The following ARRB1 variants were observed in gnomAD, a reference collection of about 807,000 sequenced individuals.
ARRB1 encodes the protein beta-arrestin-1.
Under a neutral mutation model 56.8 loss-of-function variants are expected in ARRB1, and 21 were observed. The observed-to-expected ratio is 0.37, with a 90% CI of 0.26 to 0.53. The LOEUF (loss-of-function observed/expected upper bound fraction) is 0.53, where lower values mean the gene tolerates loss of function less well. ARRB1 is among the 20% of genes least tolerant of loss of function. The pLI is 0.88. For missense variants in ARRB1, 424 were observed against 553.7 expected, an observed-to-expected ratio of 0.77 and a Z score of 2.35; for synonymous variants, 210 against 218.6, an observed-to-expected ratio of 0.96 and a Z score of 0.35.
At chr11:75,338,042 A>G (rs1230962677) in intron 1 of ARRB1, among the ~76,000 whole-genome samples, 1 of 152,124 alleles carries the variant, frequency 6.6e-6, no homozygotes, top group African/African-American at 2.4e-5. Flanking sequence ...CGTGAAAAGT[A>G]CAAAGACTGT....
chr11:75,329,408 T>C (rs958506257), intron 1 of ARRB1, among the ~76,000 whole-genome samples: 1 of 152,154 alleles, frequency 6.6e-6, no homozygotes, highest in African/African-American at 2.4e-5. Context: ...CTTGCTGCTG[T>C]GTAACCTTGA....
intron 1 of ARRB1, among the ~76,000 whole-genome samples, chr11:75,330,947 C>T (rs980825545): frequency 6.6e-6 from 1 of 152,256 alleles, no homozygotes; most frequent in African/African-American, 2.4e-5. Context: ...GTGCCAGACA[C>T]TGGTACCTGG....
chr11:75,274,286 A>C (rs1466277998), intron 10 of ARRB1, 75 bp from the exon 11 acceptor site: 10 of 1,576,360 alleles, frequency 6.3e-6, no homozygotes, highest in Admixed American at 1.7e-5. Context: ...AGCCCAGCAG[A>C]ATATCTAGTC....
intron 2 of ARRB1, among the ~76,000 whole-genome samples, chr11:75,288,641 A>C (rs1946538038): frequency 7.1e-6 from 1 of 141,138 alleles, no homozygotes. Context: ...TTTGAGATGG[A>C]GTCTCCCTCT....
intron 1 of ARRB1, among the ~76,000 whole-genome samples, chr11:75,314,468 G>A (rs1472853705): frequency 6.6e-6 from 1 of 152,214 alleles, no homozygotes; most frequent in East Asian, 1.9e-4. Flanking sequence ...ATGGCAACAT[G>A]AGGCCCACAG....
In ARRB1 at chr11:75,278,687, G is replaced by A. The variant is rs1235004441; in HGVS notation, c.540C>T (p.Pro180=). The A allele has an allele frequency of 1.9e-6, 3 of 1,613,978 alleles. No homozygotes were observed. The highest frequency in any genetic ancestry group is 2.5e-6 in the Non-Finnish European group (3 of 1,180,002). ...GCCTGGTGGTCTCGGCTGTGGGCTG[G>A]GGGCCAGGCCTCTCTGGGGCATACT... ...KVQYAPERPG[P]QPTAETTRQF... Residue 180 remains proline (P), a synonymous_variant, in exon 8 of 16, where the codon CCC becomes CCT. Coordinates refer to ENST00000420843, the MANE Select transcript of ARRB1 (RefSeq NM_004041.5).
At position 75,261,720 on chromosome 11, in the gene ARRB1, G is replaced by A. The variant is rs1945795306; in HGVS notation, c.*4443C>T. ...GTGACCCTGTGGGGAAGTGGTAGAG[G>A]TGGGGTCCTGCCACTTTCGTCCAGG... On this transcript the variant is annotated 3_prime_UTR_variant, in exon 16 of 16. Coordinates refer to ENST00000420843, the MANE Select transcript of ARRB1 (RefSeq NM_004041.5). 1 of 152,306 alleles carries A rather than the reference G, an allele frequency of 6.6e-6. No individual in the cohort carries two copies. Among genetic ancestry groups the A allele is most frequent in the Admixed American group, 6.5e-5 (1 of 15,282 alleles). The allele number at this position is 152,306 out of a possible 1,614,324, so 9.4% of individuals were successfully genotyped here.
chr11:75,277,473 G>A, intron 8 of ARRB1, 25 bp from the exon 9 acceptor site: 1 of 1,607,636 alleles, frequency 6.2e-7, no homozygotes, highest in South Asian at 1.1e-5. Context: ...AAGGGACGGG[G>A]TTGGCTGGGA....
At chr11:75,292,416 C>T (rs1591930850) in intron 1 of ARRB1, among the ~76,000 whole-genome samples, 1 of 152,308 alleles carries the variant, frequency 6.6e-6, no homozygotes, top group East Asian at 1.9e-4. Context: ...GCTGGGATTA[C>T]AGGCGTGAGC....
intron 1 of ARRB1, among the ~76,000 whole-genome samples, chr11:75,328,809 C>T (rs1038014326): frequency 6.6e-6 from 1 of 152,238 alleles, no homozygotes; most frequent in Non-Finnish European, 1.5e-5. Context: ...TGCGTATAGA[C>T]AGGAGTGCCC....
chr11:75,329,792 A>G (rs959163090), intron 1 of ARRB1, among the ~76,000 whole-genome samples: 1 of 152,138 alleles, frequency 6.6e-6, no homozygotes, highest in Non-Finnish European at 1.5e-5. Flanking sequence ...CAAGAGTTTG[A>G]GACCAGCCTG....
intron 1 of ARRB1, chr11:75,312,133 C>A (rs1162024112): frequency 1.6e-6 from 2 of 1,289,336 alleles, no homozygotes; most frequent in African/African-American, 1.5e-5. Context: ...CTGCTGCTGG[C>A]CTCTCCCTTC....
At chr11:75,286,833 T>G (rs1214023983) in intron 3 of ARRB1, among the ~76,000 whole-genome samples, 1 of 152,104 alleles carries the variant, frequency 6.6e-6, no homozygotes, top group Non-Finnish European at 1.5e-5. Flanking sequence ...TAAGAAGGGT[T>G]CTCCCTCTGT....
chr11:75,308,940 A>C (rs1218141649), intron 1 of ARRB1, among the ~76,000 whole-genome samples: 1 of 152,200 alleles, frequency 6.6e-6, no homozygotes, highest in East Asian at 1.9e-4. Context: ...GTCATGTGCT[A>C]GGTACTTTAA....
chr11:75,338,090 T>TCAATGCACACC (rs1947636894), intron 1 of ARRB1, among the ~76,000 whole-genome samples: 2 of 152,156 alleles, frequency 1.3e-5, no homozygotes, highest in South Asian at 2.1e-4. Flanking sequence ...GCCAGGTTGT[T>TCAATGCACACC]AGCAGTGTGG....
intron 1 of ARRB1, among the ~76,000 whole-genome samples, chr11:75,299,804 G>A (rs529529528): frequency 1.6e-4 from 25 of 152,334 alleles, no homozygotes; most frequent in Non-Finnish European, 2.8e-4. Flanking sequence ...CTGGGGCATA[G>A]CATGGTACCT....
chr11:75,349,002 T>A (rs980982131), intron 1 of ARRB1, among the ~76,000 whole-genome samples: 4 of 152,206 alleles, frequency 2.6e-5, no homozygotes, highest in Non-Finnish European at 4.4e-5. Context: ...CAATTCCAGA[T>A]GGAGGGATGG....
intron 1 of ARRB1, among the ~76,000 whole-genome samples, chr11:75,339,265 A>C (rs933455731): frequency 6.6e-6 from 1 of 152,374 alleles, no homozygotes; most frequent in East Asian, 1.9e-4. Context: ...CCCTCAGGAC[A>C]GTAGACCCTG....
chr11:75,348,727 A>G, intron 1 of ARRB1, among the ~76,000 whole-genome samples: 1 of 152,054 alleles, frequency 6.6e-6, no homozygotes, highest in South Asian at 2.1e-4. Context: ...CCTCCAGAGT[A>G]GTTAGGACTA....
Sources: allele counts gnomAD v4.1 joint callset (sites outside exome capture counted in the v4.1 genomes callset), GRCh38; gene constraint gnomAD v4.1.1; transcripts MANE v1.5; gene names NCBI Gene and HGNC (gene_info 2026-07-23, HGNC 2026-07-21).